IL19: variants seen among roughly 807,000 people sequenced by gnomAD.
The protein encoded by IL19 is interleukin 19.
A neutral mutation model predicts 19.5 loss-of-function variants in IL19; 15 were observed. The observed-to-expected ratio is 0.77, with a 90% confidence interval of 0.52 to 1.19. The LOEUF (loss-of-function observed/expected upper bound fraction) is 1.19. Among genes scored for constraint, IL19 ranks in the 50% most tolerant of loss-of-function variants. The pLI, the probability that IL19 is intolerant of heterozygous loss-of-function variation, is 0.00. For missense variants in IL19, 199 were observed against 213.1 expected, an observed-to-expected ratio of 0.93 and a Z score of 0.41; for synonymous variants, 78 against 78.3, an observed-to-expected ratio of 1.00 and a Z score of 0.02.
intron 1 of IL19, among the ~76,000 whole-genome samples, chr1:206,792,417 G>C (rs965248595): frequency 1.3e-5 from 2 of 152,078 alleles, no homozygotes; most frequent in African/African-American, 4.8e-5. Flanking sequence ...ATGATGCTCT[G>C]ATTGACCCTT....
chr1:206,798,229 C>A (rs1558611123), intron 1 of IL19, among the ~76,000 whole-genome samples: 1 of 152,144 alleles, frequency 6.6e-6, no homozygotes, highest in Admixed American at 6.5e-5. Flanking sequence ...TAGTGCACTG[C>A]AGCTGCCTAG....
chr1:206,807,585 T>C (rs1675879838), intron 2 of IL19, among the ~76,000 whole-genome samples: 1 of 152,208 alleles, frequency 6.6e-6, no homozygotes, highest in Non-Finnish European at 1.5e-5. Flanking sequence ...TGTTCTCTGG[T>C]CTCAAAATCT....
intron 1 of IL19, among the ~76,000 whole-genome samples, chr1:206,795,690 A>G (rs1191235854): frequency 6.6e-6 from 1 of 152,118 alleles, no homozygotes; most frequent in South Asian, 2.1e-4. Context: ...GCCTCTGCAT[A>G]CTACACATGG....
intron 1 of IL19, among the ~76,000 whole-genome samples, chr1:206,778,057 G>A (rs1316960261): frequency 6.6e-6 from 1 of 152,194 alleles, no homozygotes; most frequent in Non-Finnish European, 1.5e-5. Flanking sequence ...ATAAACGCCT[G>A]GTGGGCCAGA....
At chr1:206,800,839 GC>G (rs1247154878) in intron 2 of IL19, among the ~76,000 whole-genome samples, 1 of 152,206 alleles carries the variant, frequency 6.6e-6, no homozygotes, top group East Asian at 1.9e-4. Context: ...TGGGTAAGTA[GC>G]CACTGCCAAT....
intron 6 of IL19, 74 bp from the exon 7 acceptor site, chr1:206,842,453 C>T: frequency 1.2e-6 from 1 of 850,162 alleles, no homozygotes. Context: ...TGGGAACCAG[C>T]ATATGAAGAA....
At chr1:206,790,004 T>G (rs1006349806) in intron 1 of IL19, among the ~76,000 whole-genome samples, 1 of 152,244 alleles carries the variant, frequency 6.6e-6, no homozygotes, top group Admixed American at 6.5e-5. Flanking sequence ...GTGCAGTTAG[T>G]TGTCTTTTTG....
intron 2 of IL19, among the ~76,000 whole-genome samples, chr1:206,818,385 G>C (rs1398610120): frequency 1.3e-5 from 2 of 152,314 alleles, no homozygotes; most frequent in South Asian, 4.1e-4. Flanking sequence ...GGTCATACAT[G>C]CAACACCATG....
At chr1:206,840,304 C>T (rs764061091) in intron 5 of IL19, 94 of 494,846 alleles carry the variant, frequency 1.9e-4, no homozygotes, top group Non-Finnish European at 3.1e-4. Flanking sequence ...TGTAAGCATA[C>T]CCCTGGTTTC....
chr1:206,788,415 A>G (rs902574222), intron 1 of IL19, among the ~76,000 whole-genome samples: 1 of 152,236 alleles, frequency 6.6e-6, no homozygotes, highest in Non-Finnish European at 1.5e-5. Flanking sequence ...TGATCCAATC[A>G]TTGAATCTAT....
intron 1 of IL19, among the ~76,000 whole-genome samples, chr1:206,784,939 G>A (rs1675234891): frequency 6.6e-6 from 1 of 152,240 alleles, no homozygotes; most frequent in Non-Finnish European, 1.5e-5. Context: ...ATTCCCTTGA[G>A]AGAGGTGACC....
In IL19 at chr1:206,770,910, G is replaced by T. The variant is rs755403362; in HGVS notation, c.-317G>T. 6 of 1,614,030 alleles carry T rather than the reference G, an allele frequency of 3.7e-6. No individual in the cohort carries two copies. In the South Asian group the frequency reaches 6.6e-5, roughly 18 times the overall value. On this transcript the variant is annotated 5_prime_UTR_variant, in exon 1 of 7. Transcript: ENST00000659997. ...AAAAAACTGATCTGCTACTTACACA[G>T]CGCCGTAGCCTCAGCCTGAGGGTCT...
intron 1 of IL19, among the ~76,000 whole-genome samples, chr1:206,791,929 A>C (rs1184045144): frequency 6.6e-6 from 1 of 151,384 alleles, no homozygotes. Context: ...GGTCCTGTGC[A>C]TGTGTGTGTG....
chr1:206,792,223 T>G (rs1053904169), intron 1 of IL19, among the ~76,000 whole-genome samples: 1 of 152,204 alleles, frequency 6.6e-6, no homozygotes. Flanking sequence ...ACTTCCTGAG[T>G]GAACATTGCT....
intron 2 of IL19, among the ~76,000 whole-genome samples, chr1:206,836,453 G>C (rs1676796916): frequency 6.6e-6 from 1 of 152,090 alleles, no homozygotes; most frequent in South Asian, 2.1e-4. Flanking sequence ...CATGGGGTGA[G>C]GGTGGGGAAG....
At chr1:206,788,049 C>G (rs886103408) in intron 1 of IL19, among the ~76,000 whole-genome samples, 1 of 152,184 alleles carries the variant, frequency 6.6e-6, no homozygotes, top group African/African-American at 2.4e-5. Context: ...ACCTTCCTTC[C>G]TTGTGACATG....
chr1:206,775,553 A>G (rs1409990635), intron 1 of IL19, among the ~76,000 whole-genome samples: 1 of 152,236 alleles, frequency 6.6e-6, no homozygotes, highest in Non-Finnish European at 1.5e-5. Flanking sequence ...CGGCTTCTCC[A>G]TCAATATGTC....
intron 1 of IL19, among the ~76,000 whole-genome samples, chr1:206,785,454 T>C (rs1286529368): frequency 2.0e-5 from 3 of 152,058 alleles, no homozygotes; most frequent in Non-Finnish European, 4.4e-5. Context: ...AACACTGAAA[T>C]CCCTGGGTGG....
At chr1:206,797,082 C>T (rs1240001331) in intron 1 of IL19, among the ~76,000 whole-genome samples, 2 of 152,204 alleles carry the variant, frequency 1.3e-5, no homozygotes, top group Non-Finnish European at 2.9e-5. Flanking sequence ...GGGTCAGCCT[C>T]TAAGGGTCAG....
Sources: gnomAD v4.1 joint callset for allele counts (sites outside exome capture counted in the v4.1 genomes callset) on GRCh38, gnomAD v4.1.1 for gene constraint, MANE v1.5 for transcripts, NCBI Gene and HGNC (gene_info 2026-07-23, HGNC 2026-07-21) for gene names.